The following SLC17A6 variants were observed in gnomAD, a reference collection of about 807,000 sequenced individuals.
SLC17A6 encodes the protein solute carrier family 17 member 6, also known as vesicular glutamate transporter 2.
Under a neutral mutation model 67.1 loss-of-function variants are expected in SLC17A6, and 35 were observed. The observed-to-expected ratio is 0.52, with a 90% CI of 0.40 to 0.69. The LOEUF (loss-of-function observed/expected upper bound fraction) is 0.69. Among genes scored for constraint, SLC17A6 ranks in the 30% least tolerant of loss-of-function variants. The pLI, the probability that SLC17A6 is intolerant of heterozygous loss-of-function variation, is 0.00. For missense variants in SLC17A6, 588 were observed against 723.9 expected (o/e 0.81, Z 2.15); for synonymous variants, 285 against 252.3 (o/e 1.13, Z -1.23).
At chr11:22,349,496 T>C (rs1855914188) in intron 3 of SLC17A6, among the ~76,000 whole-genome samples, 1 of 152,212 alleles carries the variant, frequency 6.6e-6, no homozygotes, top group Admixed American at 6.5e-5. Flanking sequence ...ACTTTGCCGA[T>C]AAGAGTTTCT....
rs527292747 is a variant in SLC17A6, at chr11:22,378,049, G to C, written c.*309G>C. ...CTAAAACTCATCACTATTTACTAAA[G>C]CACAACATCTCATCCTACAAAAGTT... On this transcript the variant is annotated 3_prime_UTR_variant, in exon 12 of 12. Transcript: ENST00000263160. 40 of 357,656 alleles carry C rather than the reference G, an allele frequency of 1.1e-4. No homozygotes were observed. Among genetic ancestry groups the C allele is most frequent in the African/African-American group, 7.7e-4 (37 of 47,904 alleles). The allele number at this position is 357,656 out of a possible 1,614,324, so 22.2% of individuals were successfully genotyped here.
chr11:22,365,798 T>C, intron 7 of SLC17A6, 109 bp downstream of exon 7: 2 of 1,176,060 alleles, frequency 1.7e-6, no homozygotes, highest in Non-Finnish European at 1.2e-6. Flanking sequence ...TTGGTATCAA[T>C]CATAACTTCT....
chr11:22,341,759 C>A lies in SLC17A6; in HGVS notation c.318C>A (p.Arg106=). ...VDMVNNSTIH[R]GGKVIKEKAK... The stretch of plus-strand genomic sequence containing the variant: ...TGGTCAACAACAGCACCATCCACCG[C>A]GGGGGCAAGGTCATCAAGGAGGTGG... Residue 106 remains arginine, a synonymous_variant, in exon 2 of 12, where the codon CGC becomes CGA. Coordinates refer to ENST00000263160, the MANE Select transcript of SLC17A6 (RefSeq NM_020346.3). 6.2e-7 allele frequency: 1 copy of A among 1,614,138 alleles called. No homozygotes were observed. Among genetic ancestry groups the A allele is most frequent in the Middle Eastern group, 1.6e-4 (1 of 6,062 alleles).
At chr11:22,351,561 A>G (rs7946798) in intron 3 of SLC17A6, among the ~76,000 whole-genome samples, 10,488 of 152,174 alleles carry the variant, frequency 0.069, 1,197 homozygotes, top group African/African-American at 0.24. Flanking sequence ...GGACCCCAGG[A>G]TGTCTGATTT....
rs1407024751 is a variant in SLC17A6 at position 22,378,636 on chromosome 11, T to C, written c.*896T>C. ...GAGATATAGCCCTTAAAATGCAATA[T>C]TAAGAACAAAGAAATAGAAAATGGT... On this transcript the variant is annotated 3_prime_UTR_variant, in exon 12 of 12. Coordinates refer to ENST00000263160, the MANE Select transcript of SLC17A6 (RefSeq NM_020346.3). 1 of 152,488 alleles carries C rather than the reference T, an allele frequency of 6.6e-6. No individual in the cohort carries two copies. The highest frequency in any genetic ancestry group is 1.5e-5 in the Non-Finnish European group (1 of 67,964). The allele number at this position is 152,488 out of a possible 1,614,324, so 9.4% of individuals were successfully genotyped here. A position where few individuals can be genotyped will look rare whatever the true frequency, so the allele number is the denominator to read the frequency against.
chr11:22,348,601 T>A (rs1855903919), intron 3 of SLC17A6, among the ~76,000 whole-genome samples: 1 of 152,178 alleles, frequency 6.6e-6, no homozygotes. Context: ...TTGCAGAGAT[T>A]TGAACATGAC....
Position 22,367,537 on chromosome 11 carries a change from G to A in SLC17A6, c.891+1848G>A, listed in dbSNP as rs114126887. Reference sequence around the variant, plus strand: ...TATGGGAGTGGGTGGAAGATTGCTAGTATGCACTGGTGCCCACTAGCTGCA... The same window carrying A: ...TATGGGAGTGGGTGGAAGATTGCTAATATGCACTGGTGCCCACTAGCTGCA... On this transcript the variant is annotated intron_variant, in intron 7 of 11. Transcript: ENST00000263160. Among the ~76,000 whole-genome samples, 735 of 152,196 alleles carry A rather than the reference G, an allele frequency of 4.8e-3. 11 individuals carry two copies. The highest frequency in any genetic ancestry group is 0.017 in the African/African-American group (691 of 41,494).
intron 8 of SLC17A6, among the ~76,000 whole-genome samples, chr11:22,371,539 G>A (rs1265313417): frequency 6.6e-6 from 1 of 151,562 alleles, no homozygotes; most frequent in Non-Finnish European, 1.5e-5. Context: ...GCTGCTGGAG[G>A]TGTGCGTCCA....
At chr11:22,349,547 G>T (rs1184252769) in intron 3 of SLC17A6, among the ~76,000 whole-genome samples, 1 of 152,180 alleles carries the variant, frequency 6.6e-6, no homozygotes, top group Non-Finnish European at 1.5e-5. Flanking sequence ...CCCCTTACTA[G>T]CTCTGGCTTT....
intron 7 of SLC17A6, 107 bp from the exon 8 acceptor site, chr11:22,369,932 A>T: frequency 1.0e-6 from 1 of 1,004,256 alleles, no homozygotes; most frequent in Non-Finnish European, 1.4e-6. Flanking sequence ...CCTACTTCCT[A>T]CTTATGACCT....
intron 7 of SLC17A6, among the ~76,000 whole-genome samples, chr11:22,366,896 C>T (rs577350534): frequency 6.6e-6 from 1 of 150,798 alleles, no homozygotes; most frequent in African/African-American, 2.4e-5. Flanking sequence ...ATCCCAGCCA[C>T]TCGGAAGGCT....
At chr11:22,341,274 G>C (rs1855812277) in intron 1 of SLC17A6, among the ~76,000 whole-genome samples, 1 of 152,200 alleles carries the variant, frequency 6.6e-6, no homozygotes, top group African/African-American at 2.4e-5. Flanking sequence ...TCCCGAGATG[G>C]GGACTCGCTA....
intron 9 of SLC17A6, among the ~76,000 whole-genome samples, chr11:22,375,621 C>T (rs7122347): frequency 0.011 from 1,627 of 151,892 alleles, 28 homozygotes; most frequent in African/African-American, 0.037. Context: ...GCTGGGTTTA[C>T]AGGCATGTGC....
chr11:22,374,069 A>G (rs887575563), intron 8 of SLC17A6, among the ~76,000 whole-genome samples: 2 of 152,178 alleles, frequency 1.3e-5, no homozygotes, highest in African/African-American at 4.8e-5. Context: ...TACTGTCCCC[A>G]TAATGCTTAC....
chr11:22,339,689 T>A (rs1205209716), intron 1 of SLC17A6, among the ~76,000 whole-genome samples: 1 of 152,086 alleles, frequency 6.6e-6, no homozygotes, highest in East Asian at 1.9e-4. Flanking sequence ...GCATGAGAAA[T>A]GTAAAGAAAA....
chr11:22,358,750 C>T (rs1380683077), intron 3 of SLC17A6, among the ~76,000 whole-genome samples: 4 of 151,768 alleles, frequency 2.6e-5, no homozygotes, highest in Non-Finnish European at 4.4e-5. Context: ...GTAGGCTGCT[C>T]GAGATGTGTC....
At chr11:22,340,314 C>T (rs1855801039) in intron 1 of SLC17A6, among the ~76,000 whole-genome samples, 1 of 152,198 alleles carries the variant, frequency 6.6e-6, no homozygotes, top group South Asian at 2.1e-4. Context: ...GGGCTACGTA[C>T]AGAGATGTTA....
At chr11:22,353,990 T>C (rs1855970766) in intron 3 of SLC17A6, among the ~76,000 whole-genome samples, 1 of 152,204 alleles carries the variant, frequency 6.6e-6, no homozygotes. Flanking sequence ...ACTCAGAAAC[T>C]CTAACACCTA....
At position 22,362,750 on chromosome 11, in the gene SLC17A6, G is replaced by T; in HGVS notation, c.673G>T (p.Gly225Ter). The T allele has an allele frequency of 6.2e-7, 1 of 1,613,572 alleles. No individual in the cohort carries two copies. Among genetic ancestry groups the T allele is most frequent in the Non-Finnish European group, 8.5e-7 (1 of 1,179,584 alleles). Residue 225 changes from glycine (G) to a stop codon, truncating the protein, a stop_gained, in exon 6 of 12, where the codon GGA becomes TGA. Coordinates refer to ENST00000263160, the MANE Select transcript of SLC17A6 (RefSeq NM_020346.3). LOFTEE classifies it high-confidence loss of function. The stretch of plus-strand genomic sequence containing the variant: ...TCCTTACACTTTAGGTTCCTATGCC[G>T]GAGCTGTGATTGCAATGCCTTTAGC... ...ATTSFCGSYA[G>*]AVIAMPLAGI...
Sources: gnomAD v4.1 joint callset for allele counts (sites outside exome capture counted in the v4.1 genomes callset) on GRCh38, gnomAD v4.1.1 for gene constraint, MANE v1.5 for transcripts, NCBI Gene and HGNC (gene_info 2026-07-23, HGNC 2026-07-21) for gene names.